PSMA8: variants seen among roughly 807,000 people sequenced by gnomAD.
PSMA8 encodes proteasome 20S subunit alpha 8.
A neutral mutation model predicts 32.4 loss-of-function variants in PSMA8; 18 were observed. The ratio of observed to expected loss-of-function variants is 0.56; its 90% CI spans 0.38 to 0.82. The LOEUF is 0.82. PSMA8 is among the 40% of genes least tolerant of loss of function. The pLI, the probability that PSMA8 is intolerant of heterozygous loss-of-function variation, is 0.00. For missense variants in PSMA8, 298 were observed against 300.7 expected, an observed-to-expected ratio of 0.99 and a Z score of 0.07; for synonymous variants, 104 against 98.1, an observed-to-expected ratio of 1.06 and a Z score of -0.36.
At chr18:26,167,607 G>C (rs1464166649) in intron 4 of PSMA8, among the ~76,000 whole-genome samples, 1 of 152,126 alleles carries the variant, frequency 6.6e-6, no homozygotes, top group Non-Finnish European at 1.5e-5. Context: ...AATTCCATAG[G>C]ATCGATGTCC....
intron 4 of PSMA8, among the ~76,000 whole-genome samples, chr18:26,164,904 TTTTTG>T (rs542729116): frequency 2.0e-5 from 3 of 151,896 alleles, no homozygotes; most frequent in Non-Finnish European, 2.9e-5. Context: ...GTTTTTGGTT[TTTTTG>T]TTTTGTTTTG....
chr18:26,179,581 C>T (rs1052307777), intron 6 of PSMA8, among the ~76,000 whole-genome samples: 1 of 151,980 alleles, frequency 6.6e-6, no homozygotes, highest in South Asian at 2.1e-4. Flanking sequence ...GTCTGTCAGC[C>T]GTTATGGGTT....
At chr18:26,156,072 C>A (rs1351127477) in intron 3 of PSMA8, among the ~76,000 whole-genome samples, 1 of 152,138 alleles carries the variant, frequency 6.6e-6, no homozygotes. Context: ...CATCACTAAT[C>A]ATCAGATAAA....
In PSMA8 at chr18:26,170,566, A is replaced by T. The variant is rs2055212486; in HGVS notation, c.478-8264A>T. On this transcript the variant is annotated intron_variant, in intron 4 of 6. Transcript: ENST00000415576. ...CTTAGTTATAGCAAGAATGTCTCAT[A>T]AATGGTATCTGATAGAGACAAGAGT... is the stretch of plus-strand genomic sequence containing the variant. Among the ~76,000 whole-genome samples, 2 of 129,912 alleles carry T rather than the reference A, an allele frequency of 1.5e-5. 1 individual carries two copies. The highest frequency in any genetic ancestry group is 8.6e-5 in the African/African-American group (2 of 23,366). 85.2% of individuals were successfully genotyped at this position (129,912 alleles called of 152,430 possible). A position where few individuals can be genotyped will look rare whatever the true frequency, so the allele number is the denominator to read the frequency against.
chr18:26,143,335 G>T (rs923290501), intron 1 of PSMA8, among the ~76,000 whole-genome samples: 1 of 152,164 alleles, frequency 6.6e-6, no homozygotes, highest in Non-Finnish European at 1.5e-5. Flanking sequence ...GTGAGTGTGT[G>T]TGTGTATGAG....
intron 6 of PSMA8, among the ~76,000 whole-genome samples, chr18:26,185,087 C>CA (rs772421124): frequency 0.046 from 2,507 of 54,692 alleles, 70 homozygotes; most frequent in Non-Finnish European, 0.054. Context: ...AACTCCATCT[C>CA]AAAAAAAAAA....
chr18:26,166,787 A>G (rs1324958546), intron 4 of PSMA8, among the ~76,000 whole-genome samples: 1 of 152,212 alleles, frequency 6.6e-6, no homozygotes, highest in African/African-American at 2.4e-5. Flanking sequence ...TAAGGAAACA[A>G]CTGACAGTTG....
chr18:26,186,065 C>A (rs908325647), intron 6 of PSMA8, among the ~76,000 whole-genome samples: 4 of 148,698 alleles, frequency 2.7e-5, no homozygotes, highest in African/African-American at 2.5e-5. Flanking sequence ...ATAGTGAAAC[C>A]CCGTCTCTAC....
intron 1 of PSMA8, among the ~76,000 whole-genome samples, chr18:26,140,433 T>G (rs746107430): frequency 2.6e-5 from 4 of 152,250 alleles, no homozygotes; most frequent in African/African-American, 7.2e-5. Context: ...GGACAGGTGA[T>G]GTGGATAATG....
rs1203513319 is a variant in PSMA8 at position 26,151,884 on chromosome 18, A to G, written c.256A>G (p.Ile86Val). ...ACTTACTGCTGATGCTAGAGTAGTA[A>G]TAAACAGAGCCCGTGTGGAGTGCCA... Reference protein sequence around the residue: ...AGLTADARVVINRARVECQSH... With the variant: ...AGLTADARVVVNRARVECQSH... Residue 86 changes from isoleucine to valine, a missense_variant, in exon 3 of 7, where the codon ATA becomes GTA. Coordinates refer to ENST00000415576, the MANE Select transcript of PSMA8 (RefSeq NM_001025096.2). The G allele has an allele frequency of 1.2e-6, 2 of 1,610,578 alleles. No homozygotes were observed. The highest frequency in any genetic ancestry group is 1.3e-5 in the African/African-American group (1 of 74,874).
chr18:26,151,348 G>A (rs917089965), intron 2 of PSMA8, among the ~76,000 whole-genome samples: 1 of 152,204 alleles, frequency 6.6e-6, no homozygotes, highest in African/African-American at 2.4e-5. Context: ...AAAGTTCATG[G>A]TCAGTTTGTT....
In PSMA8 at chr18:26,170,714, A is replaced by G; in HGVS notation, c.478-8116A>G. On this transcript the variant is annotated intron_variant, in intron 4 of 6. Coordinates refer to ENST00000415576, the MANE Select transcript of PSMA8 (RefSeq NM_001025096.2). Reference sequence around the variant, plus strand: ...GGGGGAACAACTTAAACTAGAAAACACCTTCATATTAATCATTCTTCTCAT... The same window carrying G: ...GGGGGAACAACTTAAACTAGAAAACGCCTTCATATTAATCATTCTTCTCAT... 2.1e-6 allele frequency: 3 copies of G among 1,447,828 alleles called. 1 individual carries two copies. The highest frequency in any genetic ancestry group is 1.2e-5 in the South Asian group (1 of 86,480). The allele number at this position is 1,447,828 out of a possible 1,614,324, so 89.7% of individuals were successfully genotyped here.
In PSMA8 at chr18:26,145,486, A is replaced by G. The variant is rs150155994; in HGVS notation, c.229+801A>G. Among the ~76,000 whole-genome samples, 322 of 152,346 alleles carry G rather than the reference A, an allele frequency of 2.1e-3. 1 individual carries two copies. Among genetic ancestry groups the G allele is most frequent in the South Asian group, 0.016 (76 of 4,818 alleles). ...GTAGTCATCACCACACTCAAGATAC[A>G]TAACTCTTCCATCACCACAAGACTA... On this transcript the variant is annotated intron_variant, in intron 2 of 6. Transcript: ENST00000415576.
At chr18:26,186,546 A>G (rs182817870) in intron 6 of PSMA8, among the ~76,000 whole-genome samples, 200 of 152,278 alleles carry the variant, frequency 1.3e-3, no homozygotes, top group South Asian at 4.4e-3. Flanking sequence ...TTATTCTCTG[A>G]CCTATCCTTG....
intron 2 of PSMA8, among the ~76,000 whole-genome samples, chr18:26,147,089 T>A (rs1353153602): frequency 6.6e-6 from 1 of 151,248 alleles, no homozygotes; most frequent in African/African-American, 2.4e-5. Flanking sequence ...GCTAAGCTAG[T>A]CATGAGAAAC....
intron 4 of PSMA8, chr18:26,171,340 A>G: frequency 2.1e-6 from 3 of 1,431,602 alleles, no homozygotes; most frequent in Non-Finnish European, 2.8e-6. Flanking sequence ...CGCGCGGTCA[A>G]GTTTGGCGCG....
At chr18:26,170,794 C>CTGGGTA in intron 4 of PSMA8, 1 of 1,556,556 alleles carries the variant, frequency 6.4e-7, no homozygotes, top group Non-Finnish European at 8.6e-7. Context: ...GAGAGAACAC[C>CTGGGTA]TGGGTATTCT....
intron 2 of PSMA8, among the ~76,000 whole-genome samples, chr18:26,147,953 TC>T (rs1369515078): frequency 6.6e-6 from 1 of 152,094 alleles, no homozygotes; most frequent in South Asian, 2.1e-4. Context: ...TAGACAGAAT[TC>T]CTTGAAACAC....
chr18:26,134,007 A>C lies in PSMA8; in HGVS notation c.42A>C (p.Pro14=), dbSNP rs774719719. The change falls in exon 1 of 7, where the codon CCA becomes CCC. Residue 14 remains proline, a synonymous_variant. Coordinates refer to ENST00000415576, the MANE Select transcript of PSMA8 (RefSeq NM_001025096.2). ...ACAGGGCGATCACTGTCTTCTCCCCAGACGGACACCTTTTTCAAGTTGAAT... is the reference window on the plus strand; with the variant it reads ...ACAGGGCGATCACTGTCTTCTCCCCCGACGGACACCTTTTTCAAGTTGAAT... ...RYDRAITVFS[P]DGHLFQVEYA... The C allele has an allele frequency of 1.9e-6, 3 of 1,614,104 alleles. No individual in the cohort carries two copies. Among genetic ancestry groups the C allele is most frequent in the Non-Finnish European group, 1.7e-6 (2 of 1,179,988 alleles).
Sources: gnomAD v4.1 joint callset for allele counts (sites outside exome capture counted in the v4.1 genomes callset) on GRCh38, gnomAD v4.1.1 for gene constraint, MANE v1.5 for transcripts, NCBI Gene and HGNC (gene_info 2026-07-23, HGNC 2026-07-21) for gene names.